FERMT1: variants seen among roughly 807,000 people sequenced by gnomAD.
FERMT1 encodes fermitin family homolog 1.
Under a neutral mutation model 85.3 loss-of-function variants are expected in FERMT1, and 60 were observed. The ratio of observed to expected loss-of-function variants is 0.70; its 90% CI spans 0.57 to 0.87. FERMT1 has a LOEUF of 0.87. Among genes scored for constraint, FERMT1 ranks in the 40% least tolerant of loss-of-function variants. FERMT1 has a pLI of 0.00. For missense variants in FERMT1, 701 were observed against 818.9 expected, an observed-to-expected ratio of 0.86 and a Z score of 1.76; for synonymous variants, 275 against 301.1, an observed-to-expected ratio of 0.91 and a Z score of 0.90.
rs1216973766 is a variant in FERMT1 at position 6,085,180 on chromosome 20, C to G, written c.1479G>C (p.Leu493=). The change falls in exon 12 of 15, where the codon CTG becomes CTC. Residue 493 remains leucine (L), a synonymous_variant. Transcript: ENST00000217289. ...QPEVLNILSF[L]RMKNRNSASQ... ...ATGCAGAGTTCCTGTTTTTCATCCTCAGAAATGAAAGGATGTTGAGGACCT... is the reference window on the plus strand; with the variant it reads ...ATGCAGAGTTCCTGTTTTTCATCCTGAGAAATGAAAGGATGTTGAGGACCT... The G allele has an allele frequency of 6.2e-7, 1 of 1,614,126 alleles. No individual in the cohort carries two copies.
intron 5 of FERMT1, among the ~76,000 whole-genome samples, chr20:6,109,503 C>T (rs552274882): frequency 6.6e-6 from 1 of 152,218 alleles, no homozygotes; most frequent in East Asian, 1.9e-4. Flanking sequence ...ATCTGGTAGG[C>T]AATGGGGAAC....
chr20:6,085,967 C>T (rs1459433735), intron 11 of FERMT1, among the ~76,000 whole-genome samples: 1 of 151,810 alleles, frequency 6.6e-6, no homozygotes, highest in East Asian at 1.9e-4. Flanking sequence ...GGTGAAACCC[C>T]ATCTGTACTA....
At chr20:6,087,170 C>A (rs1209773776) in intron 11 of FERMT1, among the ~76,000 whole-genome samples, 2 of 152,100 alleles carry the variant, frequency 1.3e-5, no homozygotes, top group Non-Finnish European at 2.9e-5. Flanking sequence ...GCCTGGGACC[C>A]AGAATAAATA....
intron 14 of FERMT1, among the ~76,000 whole-genome samples, chr20:6,077,979 C>T (rs1327756085): frequency 1.3e-5 from 2 of 149,200 alleles, no homozygotes; most frequent in Admixed American, 6.6e-5. Context: ...TGCACCCGGC[C>T]TGCAGGCTCT....
In FERMT1 at chr20:6,107,544, G is replaced by A. The variant is rs2123136048; in HGVS notation, c.837C>T (p.Asp279=). 1.9e-6 allele frequency: 3 copies of A among 1,606,960 alleles called. No individual in the cohort carries two copies. Among genetic ancestry groups the A allele is most frequent in the Non-Finnish European group, 2.6e-6 (3 of 1,174,110 alleles). ...AAAAGTTGCTTACTTTAGGATTCAA[G>A]TCGAAGAAAGAATAATATTTAAATC... ...LLRFKYYSFF[D]LNPKYDAVRI... The change falls in exon 6 of 15, where the codon GAC becomes GAT. Residue 279 remains aspartate, a synonymous_variant. Transcript: ENST00000217289.
At chr20:6,102,038 G>GT (rs1467564906) in intron 6 of FERMT1, among the ~76,000 whole-genome samples, 7 of 152,142 alleles carry the variant, frequency 4.6e-5, no homozygotes, top group Admixed American at 2.0e-4. Context: ...TCCGCCTACT[G>GT]TTTTTTAGAG....
Position 6,083,661 on chromosome 20 carries a change from C to T in FERMT1, c.1718+379G>A, listed in dbSNP as rs796526476. Among the ~76,000 whole-genome samples, 993 of 125,492 alleles carry T rather than the reference C, an allele frequency of 7.9e-3. 29 individuals carry two copies. The highest frequency in any genetic ancestry group is 0.029 in the African/African-American group (932 of 31,732). The allele number at this position is 125,492 out of a possible 152,430, so 82.3% of individuals were successfully genotyped here. ...CTGGGCGGCAAAATGAGACACCCCC[C>T]CCCCCGGCCACCCTCCCCACACCCG... On this transcript the variant is annotated intron_variant, in intron 13 of 14. Coordinates refer to ENST00000217289, the MANE Select transcript of FERMT1 (RefSeq NM_017671.5).
intron 13 of FERMT1, among the ~76,000 whole-genome samples, chr20:6,083,749 C>G (rs1290291642): frequency 2.2e-5 from 3 of 135,438 alleles, no homozygotes; most frequent in Non-Finnish European, 4.7e-5. Context: ...TTCATAAAAT[C>G]AATATGTGAT....
At chr20:6,098,279 C>T (rs1982564441) in intron 6 of FERMT1, among the ~76,000 whole-genome samples, 1 of 151,624 alleles carries the variant, frequency 6.6e-6, no homozygotes, top group Admixed American at 6.6e-5. Flanking sequence ...AAGGGATCCC[C>T]ATGCTGATCT....
intron 9 of FERMT1, among the ~76,000 whole-genome samples, chr20:6,089,332 T>C (rs1017038958): frequency 1.3e-5 from 2 of 152,226 alleles, no homozygotes; most frequent in East Asian, 3.8e-4. Flanking sequence ...ACGTGTGTCC[T>C]GGGAAAGATC....
chr20:6,106,620 AGAAG>A (rs950037578), intron 6 of FERMT1, among the ~76,000 whole-genome samples: 4 of 152,210 alleles, frequency 2.6e-5, no homozygotes, highest in African/African-American at 9.6e-5. Flanking sequence ...AGGGCTCATC[AGAAG>A]GAAGGAAGAG....
At chr20:6,120,905 T>C (rs2123160232) in intron 1 of FERMT1, among the ~76,000 whole-genome samples, 1 of 152,360 alleles carries the variant, frequency 6.6e-6, no homozygotes, top group South Asian at 2.1e-4. Flanking sequence ...CCAGGGATGA[T>C]GGTAATATCC....
In FERMT1 at chr20:6,104,592, T is replaced by C. The variant is rs1469325416; in HGVS notation, c.849+2940A>G. On this transcript the variant is annotated intron_variant, in intron 6 of 14. Coordinates refer to ENST00000217289, the MANE Select transcript of FERMT1 (RefSeq NM_017671.5). The surrounding 1 kb of genome is among the most constrained non-coding windows in gnomAD (Gnocchi z 4.2). ...CATTATCCTGAGTCTTCCTGTCACC[T>C]TTGGGTTGACAGTTTCTGTGTGGCT... Among the ~76,000 whole-genome samples the C allele has an allele frequency of 6.6e-6, 1 of 152,178 alleles. No homozygotes were observed. The highest frequency in any genetic ancestry group is 1.5e-5 in the Non-Finnish European group (1 of 68,030).
chr20:6,090,209 G>C (rs974260208), intron 9 of FERMT1, among the ~76,000 whole-genome samples: 2 of 152,054 alleles, frequency 1.3e-5, no homozygotes, highest in African/African-American at 4.8e-5. Context: ...TGAGTAGCTG[G>C]GATTACAGGC....
chr20:6,107,488 A>T (rs765999899), intron 6 of FERMT1, 44 bp downstream of exon 6: 1 of 1,171,196 alleles, frequency 8.5e-7, no homozygotes, highest in Non-Finnish European at 1.3e-6. Context: ...CCTTTCATGC[A>T]TTCATATTAA....
At chr20:6,105,279 C>G (rs771695633) in intron 6 of FERMT1, among the ~76,000 whole-genome samples, 1 of 152,042 alleles carries the variant, frequency 6.6e-6, no homozygotes, top group Non-Finnish European at 1.5e-5. Context: ...AAGAGTGGAA[C>G]CTGAATGTGG....
chr20:6,103,525 G>T (rs768119218), intron 6 of FERMT1, among the ~76,000 whole-genome samples: 70 of 152,106 alleles, frequency 4.6e-4, no homozygotes, highest in Non-Finnish European at 9.0e-4. Flanking sequence ...ACTTTGACCT[G>T]CAAGCAGTCT....
At chr20:6,080,710 C>T (rs1014415568) in intron 13 of FERMT1, among the ~76,000 whole-genome samples, 3 of 152,166 alleles carry the variant, frequency 2.0e-5, no homozygotes, top group African/African-American at 7.2e-5. Flanking sequence ...TCAAGAATGA[C>T]TCCAAAGGAT....
At chr20:6,090,179 G>C (rs985102441) in intron 9 of FERMT1, among the ~76,000 whole-genome samples, 1 of 152,050 alleles carries the variant, frequency 6.6e-6, no homozygotes, top group African/African-American at 2.4e-5. Flanking sequence ...GGTTCAAGGG[G>C]TTCTCCTGCC....
Sources: gnomAD v4.1 joint callset for allele counts (sites outside exome capture counted in the v4.1 genomes callset) on GRCh38, gnomAD v4.1.1 for gene constraint, Gnocchi (gnomAD v3.1) non-coding constraint, MANE v1.5 for transcripts, NCBI Gene and HGNC (gene_info 2026-07-23, HGNC 2026-07-21) for gene names.